The following SLC28A3 variants were observed in gnomAD, a reference collection of about 807,000 sequenced individuals.
The protein encoded by SLC28A3 is solute carrier family 28 member 3.
Under a neutral mutation model 84.2 loss-of-function variants are expected in SLC28A3, and 68 were observed. The observed-to-expected ratio is 0.81, with a 90% CI of 0.66 to 0.99. The LOEUF is 0.99. SLC28A3 is among the 50% of genes least tolerant of loss of function. SLC28A3 has a pLI of 0.00. For missense variants in SLC28A3, 712 were observed against 841.5 expected (o/e 0.85, Z 1.90); for synonymous variants, 267 against 303.6 (o/e 0.88, Z 1.25).
intron 12 of SLC28A3, among the ~76,000 whole-genome samples, chr9:84,287,706 T>G (rs1202046134): frequency 6.6e-6 from 1 of 151,952 alleles, no homozygotes; most frequent in Non-Finnish European, 1.5e-5. Flanking sequence ...TAAAAAAAAT[T>G]AGCTGAGAGT....
intron 1 of SLC28A3, among the ~76,000 whole-genome samples, chr9:84,313,732 T>G (rs1215628121): frequency 6.6e-6 from 1 of 151,690 alleles, no homozygotes; most frequent in East Asian, 1.9e-4. Context: ...ACTAAAAATA[T>G]AAAAATTAGC....
intron 1 of SLC28A3, among the ~76,000 whole-genome samples, chr9:84,332,447 G>A (rs1826824871): frequency 6.6e-6 from 1 of 152,176 alleles, no homozygotes; most frequent in Admixed American, 6.5e-5. Context: ...TAGGGTAGGG[G>A]ACTGGTAGGA....
intron 14 of SLC28A3, among the ~76,000 whole-genome samples, chr9:84,281,289 A>T (rs533447298): frequency 6.6e-6 from 1 of 152,248 alleles, no homozygotes; most frequent in Non-Finnish European, 1.5e-5. Flanking sequence ...TATTCAGACT[A>T]TATAAAAAAC....
Position 84,305,264 on chromosome 9 carries a change from A to T in SLC28A3, c.324T>A (p.Ile108=). 6.2e-7 allele frequency: 1 copy of T among 1,612,670 alleles called. No homozygotes were observed. The highest frequency in any genetic ancestry group is 8.5e-7 in the Non-Finnish European group (1 of 1,179,750). The part of the protein sequence containing the change: ...KTTLRHIIWG[I]LLAGYLVMVI... ...ATCTTTGTTATTTACCTGCTAATAA[A>T]ATGCCCCAGATGATGTGCCGAAGAG... The change falls in exon 4 of 18, where the codon ATT becomes ATA. Residue 108 remains isoleucine, a synonymous_variant. Coordinates refer to ENST00000376238, the MANE Select transcript of SLC28A3 (RefSeq NM_001199633.2).
chr9:84,348,803 A>T, the SLC28A3 span, among the ~76,000 whole-genome samples: 1 of 152,106 alleles, frequency 6.6e-6, no homozygotes, highest in Non-Finnish European at 1.5e-5. Flanking sequence ...TCCTGTGCTC[A>T]CTTGCCTTTC....
At chr9:84,306,717 C>T (rs1825802752) in intron 3 of SLC28A3, among the ~76,000 whole-genome samples, 1 of 151,920 alleles carries the variant, frequency 6.6e-6, no homozygotes, top group Non-Finnish European at 1.5e-5. Flanking sequence ...ATGAGTAGAA[C>T]GTTGGATATT....
At chr9:84,298,081 T>A in intron 6 of SLC28A3, 62 bp from the exon 7 acceptor site, 3 of 1,326,744 alleles carry the variant, frequency 2.3e-6, no homozygotes, top group Non-Finnish European at 3.2e-6. Flanking sequence ...GTGGCATGAA[T>A]GTCTAATGGA....
chr9:84,337,658 A>G (rs1266419767), intron 1 of SLC28A3, among the ~76,000 whole-genome samples: 1 of 152,212 alleles, frequency 6.6e-6, no homozygotes, highest in Non-Finnish European at 1.5e-5. Context: ...TTAAATGCCA[A>G]TCCGAACTTC....
At chr9:84,354,780 G>A in the SLC28A3 span, among the ~76,000 whole-genome samples, 1 of 151,716 alleles carries the variant, frequency 6.6e-6, no homozygotes, top group African/African-American at 2.4e-5. Context: ...CCAGGAGGCA[G>A]AGGTTGCAGT....
intron 1 of SLC28A3, among the ~76,000 whole-genome samples, chr9:84,318,870 A>AG (rs1411842058): frequency 3.4e-4 from 51 of 151,980 alleles, no homozygotes; most frequent in African/African-American, 1.2e-3. Flanking sequence ...ACCCTGTCTC[A>AG]GAAAAAAAAA....
At chr9:84,340,050 C>T (rs959791817) in intron 1 of SLC28A3, among the ~76,000 whole-genome samples, 1 of 152,204 alleles carries the variant, frequency 6.6e-6, no homozygotes, top group South Asian at 2.1e-4. Context: ...AGGTCTCCTT[C>T]TATGTCTCTG....
Position 84,288,193 on chromosome 9 carries a change from GA to G in SLC28A3, c.1150-16del, listed in dbSNP as rs1304011461. ...GAGGATGGAACCTGCAATTTCAGAA[GA>G]AAGAAGGCAAACCTGGGATTAGCTT... is the stretch of plus-strand genomic sequence containing the variant. On this transcript the variant is annotated splice_polypyrimidine_tract_variant and intron_variant, in intron 11 of 17. Coordinates refer to ENST00000376238, the MANE Select transcript of SLC28A3 (RefSeq NM_001199633.2). 6.2e-7 allele frequency: 1 copy of G among 1,613,664 alleles called. No homozygotes were observed. Among genetic ancestry groups the G allele is most frequent in the Non-Finnish European group, 8.5e-7 (1 of 1,179,714 alleles).
chr9:84,290,377 C>G (rs973040124), intron 10 of SLC28A3, 98 bp from the exon 11 acceptor site: 4 of 1,477,008 alleles, frequency 2.7e-6, no homozygotes, highest in Non-Finnish European at 3.7e-6. Context: ...TTAAAGCAGA[C>G]AGTTTCTAAG....
the SLC28A3 span, among the ~76,000 whole-genome samples, chr9:84,357,600 G>GTGGA: frequency 1.9e-4 from 29 of 152,250 alleles, no homozygotes; most frequent in Non-Finnish European, 2.8e-4. Context: ...TGGGCAGGAA[G>GTGGA]TGGAGACTAT....
chr9:84,358,330 C>A, the SLC28A3 span, among the ~76,000 whole-genome samples: 1 of 152,124 alleles, frequency 6.6e-6, no homozygotes, highest in South Asian at 2.1e-4. Context: ...AAACAGCATG[C>A]AGTTTATACA....
Position 84,311,445 on chromosome 9 carries a change from C to CCAAA in SLC28A3, c.157-1735_157-1732dup, listed in dbSNP as rs1825984865. 3.3e-5 allele frequency among the ~76,000 whole-genome samples: 5 copies of CCAAA among 152,044 alleles called. No individual in the cohort carries two copies. The South Asian group carries it at 1.0e-3, about 31-fold the overall frequency. Reference sequence around the variant, plus strand: ...GCCTACATGGACACATCACCATCACCCAAAGTCTGCAGTGAGACTCTCTTG... The same window carrying CCAAA: ...GCCTACATGGACACATCACCATCACCCAAACAAAGTCTGCAGTGAGACTCTCTTG... On this transcript the variant is annotated intron_variant, in intron 2 of 17. Transcript: ENST00000376238.
chr9:84,332,530 A>G (rs537704415), intron 1 of SLC28A3, among the ~76,000 whole-genome samples: 2 of 152,192 alleles, frequency 1.3e-5, no homozygotes, highest in South Asian at 4.1e-4. Flanking sequence ...AACTAAAAAA[A>G]TAATAATTGG....
In SLC28A3 at chr9:84,302,352, G is replaced by A. The variant is rs375450999; in HGVS notation, c.372C>T (p.Asn124=). Residue 124 remains asparagine (N), a synonymous_variant, in exon 5 of 18, where the codon AAC becomes AAT. Transcript: ENST00000376238. ...LVMVISACVL[N]FHRALPLFVI... is the part of the protein sequence containing the mutation. ...CAAAAAGAGGAAGGGCTCTGTGAAA[G>A]TTCAGCACACAGGCCGAAATCACCA... 1 of 1,613,922 alleles carries A rather than the reference G, an allele frequency of 6.2e-7. No individual in the cohort carries two copies. The highest frequency in any genetic ancestry group is 8.5e-7 in the Non-Finnish European group (1 of 1,179,988).
At chr9:84,306,234 T>C (rs868749287) in intron 3 of SLC28A3, among the ~76,000 whole-genome samples, 3 of 152,266 alleles carry the variant, frequency 2.0e-5, no homozygotes, top group Non-Finnish European at 2.9e-5. Context: ...ATAGCACTTC[T>C]AAAAATGACC....
Sources: allele counts gnomAD v4.1 joint callset (sites outside exome capture counted in the v4.1 genomes callset), GRCh38; gene constraint gnomAD v4.1.1; transcripts MANE v1.5; gene names NCBI Gene and HGNC (gene_info 2026-07-23, HGNC 2026-07-21).